Variants in MAP3K7CL observed in about 807,000 individuals in gnomAD.
MAP3K7CL encodes the protein MAP3K7 C-terminal-like protein.
A neutral mutation model predicts 18.6 loss-of-function variants in MAP3K7CL; 16 were observed. The observed-to-expected ratio is 0.86, with a 90% CI of 0.58 to 1.31. The LOEUF (loss-of-function observed/expected upper bound fraction) is 1.31, where lower values mean the gene tolerates loss of function less well. Among genes scored for constraint, MAP3K7CL ranks in the 50% most tolerant of loss-of-function variants. The pLI is 0.00. For missense variants in MAP3K7CL, 163 were observed against 174.4 expected, an observed-to-expected ratio of 0.93 and a Z score of 0.37; for synonymous variants, 65 against 66.8, an observed-to-expected ratio of 0.97 and a Z score of 0.13.
At chr21:29,142,458 G>A (rs2087030966) in intron 2 of MAP3K7CL, among the ~76,000 whole-genome samples, 1 of 152,222 alleles carries the variant, frequency 6.6e-6, no homozygotes, top group South Asian at 2.1e-4. Flanking sequence ...TTAAGTGGCA[G>A]AGGCAGAACT....
intron 4 of MAP3K7CL, among the ~76,000 whole-genome samples, chr21:29,171,662 G>A (rs2735961): frequency 0.39 from 59,464 of 151,726 alleles, 13,225 homozygotes; most frequent in Non-Finnish European, 0.5. Flanking sequence ...ACAAAAATTA[G>A]CCAAGTGTGG....
At chr21:29,145,275 A>ATT (rs368444105) in intron 2 of MAP3K7CL, among the ~76,000 whole-genome samples, 1 of 149,872 alleles carries the variant, frequency 6.7e-6, no homozygotes, top group African/African-American at 2.4e-5. Context: ...TCAAGCAACT[A>ATT]TTTTTTTTTT....
At chr21:29,087,451 G>A (rs1016866746) in intron 1 of MAP3K7CL, among the ~76,000 whole-genome samples, 1 of 152,122 alleles carries the variant, frequency 6.6e-6, no homozygotes, top group African/African-American at 2.4e-5. Context: ...CACATGTTAA[G>A]TGTTCAATAA....
At chr21:29,143,183 C>G (rs1274457974) in intron 2 of MAP3K7CL, among the ~76,000 whole-genome samples, 1 of 134,530 alleles carries the variant, frequency 7.4e-6, no homozygotes, top group African/African-American at 2.9e-5. Flanking sequence ...TTAAGAAATT[C>G]AAGACACTAT....
chr21:29,095,052 T>C (rs1276610676), intron 4 of MAP3K7CL, among the ~76,000 whole-genome samples: 6 of 134,996 alleles, frequency 4.4e-5, no homozygotes, highest in Non-Finnish European at 9.2e-5. Context: ...AGCCAGATCC[T>C]GTCTCAGAAA....
intron 4 of MAP3K7CL, among the ~76,000 whole-genome samples, chr21:29,098,785 A>C (rs899801961): frequency 3.5e-5 from 5 of 141,602 alleles, no homozygotes; most frequent in African/African-American, 1.3e-4. Flanking sequence ...ATTATTAAGC[A>C]CTGAAGGAGA....
upstream of MAP3K7CL, among the ~76,000 whole-genome samples, chr21:29,129,316 C>G (rs1463324944): frequency 6.6e-6 from 1 of 152,168 alleles, no homozygotes; most frequent in Non-Finnish European, 1.5e-5. Flanking sequence ...CCTAAAAATC[C>G]CTCATGCACC....
intron 4 of MAP3K7CL, among the ~76,000 whole-genome samples, chr21:29,121,269 G>A (rs1244147004): frequency 5.3e-5 from 8 of 151,988 alleles, no homozygotes; most frequent in South Asian, 4.2e-4. Flanking sequence ...GGACATAAAT[G>A]TAGGCAGCTG....
chr21:29,168,739 C>T (rs2087752133), intron 4 of MAP3K7CL, among the ~76,000 whole-genome samples: 1 of 152,158 alleles, frequency 6.6e-6, no homozygotes, highest in East Asian at 1.9e-4. Context: ...TATCCTACTG[C>T]TCAAGGTCAT....
At chr21:29,163,704 T>C (rs2087610936) in intron 4 of MAP3K7CL, among the ~76,000 whole-genome samples, 2 of 150,414 alleles carry the variant, frequency 1.3e-5, no homozygotes, top group East Asian at 3.9e-4. Flanking sequence ...TTTTTTTTTT[T>C]TTTTTTTTTG....
rs769277267 is a variant in MAP3K7CL at position 29,149,248 on chromosome 21, C to T, written c.130C>T (p.Gln44Ter). 14 of 1,613,442 alleles carry T rather than the reference C, an allele frequency of 8.7e-6. No homozygotes were observed. The highest frequency in any genetic ancestry group is 7.6e-6 in the Non-Finnish European group (9 of 1,179,366). Residue 44 changes from glutamine to a stop codon, truncating the protein, a stop_gained and splice_region_variant, in exon 3 of 5, where the codon CAG becomes TAG. Transcript: ENST00000399928. LOFTEE classifies it high-confidence loss of function. ...CTTTCCAGAATTAGACCAGCAGCTA[C>T]AGGTAAGGATTTTTCTAAAGTCTCT... Reference protein sequence around the residue: ...LVFPELDQQLQPLPPCHDSEE... With the variant: ...LVFPELDQQL
chr21:29,107,277 T>C (rs1186090557), intron 4 of MAP3K7CL, among the ~76,000 whole-genome samples: 1 of 152,032 alleles, frequency 6.6e-6, no homozygotes, highest in Non-Finnish European at 1.5e-5. Context: ...ATCTCGCCAC[T>C]GCACTCTAGC....
At chr21:29,123,524 G>A (rs1568948310) in intron 4 of MAP3K7CL, among the ~76,000 whole-genome samples, 1 of 152,172 alleles carries the variant, frequency 6.6e-6, no homozygotes, top group Admixed American at 6.5e-5. Flanking sequence ...GTAACTTTGG[G>A]AACTCTATAG....
chr21:29,101,304 A>C (rs2086225959), intron 4 of MAP3K7CL, among the ~76,000 whole-genome samples: 1 of 152,148 alleles, frequency 6.6e-6, no homozygotes, highest in Non-Finnish European at 1.5e-5. Context: ...ATAATGATTG[A>C]TTTGGGATTA....
intron 4 of MAP3K7CL, among the ~76,000 whole-genome samples, chr21:29,124,347 C>A (rs1436470909): frequency 8.6e-6 from 1 of 116,086 alleles, no homozygotes; most frequent in Non-Finnish European, 1.7e-5. Context: ...GAGTGAGACT[C>A]CGTCTCAAAA....
Position 29,117,804 on chromosome 21 carries a change from C to T in MAP3K7CL, c.370+25223C>T, listed in dbSNP as rs1254301139. ...GATCAGGGACTGAATGGATTTTATT[C>T]GGGTACCAAATATCCGATGACTAAA... On this transcript the variant is annotated intron_variant, in intron 4 of 6. Transcript: ENST00000286791. Among the ~76,000 whole-genome samples, 7 of 152,240 alleles carry T rather than the reference C, an allele frequency of 4.6e-5. No individual in the cohort carries two copies. In the South Asian group the frequency reaches 1.2e-3, roughly 27 times the overall value.
intron 4 of MAP3K7CL, among the ~76,000 whole-genome samples, chr21:29,125,562 A>G (rs1178087338): frequency 1.3e-5 from 2 of 152,212 alleles, no homozygotes; most frequent in African/African-American, 4.8e-5. Context: ...CTGTGACAGT[A>G]TGTGATCAGA....
intron 3 of MAP3K7CL, among the ~76,000 whole-genome samples, chr21:29,150,793 A>T: frequency 7.3e-6 from 1 of 137,886 alleles, no homozygotes; most frequent in African/African-American, 2.7e-5. Flanking sequence ...TTTTTGAGAC[A>T]GAGTCTCCCT....
intron 4 of MAP3K7CL, chr21:29,108,997 C>G: frequency 6.8e-7 from 1 of 1,473,968 alleles, no homozygotes; most frequent in East Asian, 2.5e-5. Context: ...GTCGGCTGGA[C>G]CCAAATAATT....
Sources: gnomAD v4.1 joint callset for allele counts (sites outside exome capture counted in the v4.1 genomes callset) on GRCh38, gnomAD v4.1.1 for gene constraint, MANE v1.5 for transcripts, NCBI Gene and HGNC (gene_info 2026-07-23, HGNC 2026-07-21) for gene names.